The following GPALPP1 variants were observed in gnomAD, a reference collection of about 807,000 sequenced individuals.
GPALPP1 encodes GPALPP motifs-containing protein 1.
In GPALPP1, 30 loss-of-function variants were observed where a neutral mutation model predicts 38.9. The observed-to-expected ratio is 0.77, with a 90% CI of 0.58 to 1.05. The LOEUF (loss-of-function observed/expected upper bound fraction) is 1.05, where lower values mean the gene tolerates loss of function less well. GPALPP1 is among the 50% of genes least tolerant of loss of function. The pLI, the probability that GPALPP1 is intolerant of heterozygous loss-of-function variation, is 0.00. For missense variants in GPALPP1, 384 were observed against 408.8 expected (o/e 0.94, Z 0.52); for synonymous variants, 120 against 139.2 (o/e 0.86, Z 0.97).
At chr13:45,019,797 A>G (rs911567097) in intron 6 of GPALPP1, among the ~76,000 whole-genome samples, 1 of 148,320 alleles carries the variant, frequency 6.7e-6, no homozygotes, top group Non-Finnish European at 1.5e-5. Context: ...GATTGAGTGG[A>G]GTGGGTTTTT....
At position 44,996,871 on chromosome 13, in the gene GPALPP1, T is replaced by C. The variant is rs116723742; in HGVS notation, c.88+7129T>C. On this transcript the variant is annotated intron_variant, in intron 1 of 7. Coordinates refer to ENST00000379151, the MANE Select transcript of GPALPP1 (RefSeq NM_018559.5). Reference sequence around the variant, plus strand: ...TGAAATGTACCATCTTAACCATCTTTAAATGTACAGTTCAGTGGCATTAAA... The same window carrying C: ...TGAAATGTACCATCTTAACCATCTTCAAATGTACAGTTCAGTGGCATTAAA... 4.7e-3 allele frequency among the ~76,000 whole-genome samples: 714 copies of C among 150,672 alleles called. 9 individuals carry two copies. Among genetic ancestry groups the C allele is most frequent in the African/African-American group, 0.017 (695 of 40,910 alleles).
intron 6 of GPALPP1, among the ~76,000 whole-genome samples, chr13:45,016,092 AG>A (rs1405009990): frequency 6.6e-6 from 1 of 152,164 alleles, no homozygotes; most frequent in Non-Finnish European, 1.5e-5. Context: ...ACCATATCTC[AG>A]GTGCACTAAG....
chr13:45,004,555 C>T, intron 2 of GPALPP1, 118 bp downstream of exon 2: 1 of 628,812 alleles, frequency 1.6e-6, no homozygotes, highest in South Asian at 2.1e-5. Flanking sequence ...AGGGAGAAAT[C>T]ATTTTGTGTG....
At chr13:45,021,315 C>T (rs929180856) in intron 7 of GPALPP1, among the ~76,000 whole-genome samples, 24 of 152,210 alleles carry the variant, frequency 1.6e-4, no homozygotes, top group Non-Finnish European at 2.8e-4. Flanking sequence ...TGACCAGTAC[C>T]ACAGTGAAGC....
At chr13:45,020,654 A>AT (rs1273915813) in intron 7 of GPALPP1, among the ~76,000 whole-genome samples, 1 of 151,648 alleles carries the variant, frequency 6.6e-6, no homozygotes, top group Admixed American at 6.6e-5. Context: ...AAAAAAAAAA[A>AT]AGGAAGCCAG....
At chr13:45,006,380 G>A in intron 3 of GPALPP1, 77 bp downstream of exon 3, 1 of 702,374 alleles carries the variant, frequency 1.4e-6, no homozygotes, top group Non-Finnish European at 2.4e-6. Flanking sequence ...TTAAAGAATT[G>A]TCTGAAATTA....
intron 7 of GPALPP1, among the ~76,000 whole-genome samples, chr13:45,025,991 A>C (rs1273053252): frequency 1.3e-5 from 2 of 151,108 alleles, no homozygotes; most frequent in Non-Finnish European, 1.5e-5. Flanking sequence ...GCTGGTCTCG[A>C]ACTCCCGACC....
Position 45,015,081 on chromosome 13 carries a change from G to C in GPALPP1, c.538G>C (p.Asp180His). Residue 180 changes from aspartate (D) to histidine (H), a missense_variant and splice_region_variant, in exon 5 of 8, where the codon GAT becomes CAT. Coordinates refer to ENST00000379151, the MANE Select transcript of GPALPP1 (RefSeq NM_018559.5). ...RMKEKLTKGD[D>H]DSSKPIVRES... ...GAAAGAAAAACTGACCAAAGGAGATGATGTAAGTTTTAAAAACACTTTAAG... is the reference window on the plus strand; with the variant it reads ...GAAAGAAAAACTGACCAAAGGAGATCATGTAAGTTTTAAAAACACTTTAAG... 1 of 1,588,742 alleles carries C rather than the reference G, an allele frequency of 6.3e-7. No individual in the cohort carries two copies. Among genetic ancestry groups the C allele is most frequent in the Non-Finnish European group, 8.6e-7 (1 of 1,165,456 alleles).
At chr13:45,002,408 C>T (rs1389339249) in intron 1 of GPALPP1, 1 of 152,292 alleles carries the variant, frequency 6.6e-6, no homozygotes, top group East Asian at 1.9e-4. Flanking sequence ...TGAAAAGCCA[C>T]TGCACTTCAA....
chr13:45,025,146 C>CA (rs914653812), intron 7 of GPALPP1, among the ~76,000 whole-genome samples: 5 of 151,560 alleles, frequency 3.3e-5, no homozygotes, highest in Admixed American at 2.6e-4. Context: ...AAAATAGAAA[C>CA]AAAAAAAATT....
At position 45,002,903 on chromosome 13, in the gene GPALPP1, C is replaced by A. The variant is rs1230285128; in HGVS notation, c.89-1402C>A. 3.3e-5 allele frequency among the ~76,000 whole-genome samples: 5 copies of A among 152,306 alleles called. No homozygotes were observed. In the East Asian group the frequency reaches 9.6e-4, roughly 29 times the overall value. On this transcript the variant is annotated intron_variant, in intron 1 of 7. Coordinates refer to ENST00000379151, the MANE Select transcript of GPALPP1 (RefSeq NM_018559.5). ...AGTCTCCATTCAAATGTCTTTTTCT[C>A]AGAGAGATTTTTGCCTTACCACTGT...
At chr13:45,002,919 T>C (rs958990787) in intron 1 of GPALPP1, among the ~76,000 whole-genome samples, 1 of 152,242 alleles carries the variant, frequency 6.6e-6, no homozygotes, top group African/African-American at 2.4e-5. Context: ...GATTTTTGCC[T>C]TACCACTGTC....
At chr13:45,011,540 C>T (rs1025335071) in intron 4 of GPALPP1, among the ~76,000 whole-genome samples, 10 of 152,046 alleles carry the variant, frequency 6.6e-5, no homozygotes, top group African/African-American at 1.5e-4. Flanking sequence ...GAGTGCCCAG[C>T]GAAGGGGGAA....
chr13:45,008,935 G>C, intron 4 of GPALPP1, 56 bp downstream of exon 4: 2 of 1,027,602 alleles, frequency 1.9e-6, no homozygotes, highest in Non-Finnish European at 3.1e-6. Context: ...GAAAGAATAA[G>C]ATGTATTGTA....
intron 4 of GPALPP1, among the ~76,000 whole-genome samples, chr13:45,013,289 T>A (rs1349115368): frequency 2.0e-5 from 3 of 152,174 alleles, no homozygotes; most frequent in African/African-American, 7.2e-5. Flanking sequence ...TGAGGCTGAC[T>A]GCCTTCATCA....
chr13:45,015,249 T>C (rs938227704), intron 5 of GPALPP1, among the ~76,000 whole-genome samples, 166 bp downstream of exon 5: 1 of 152,210 alleles, frequency 6.6e-6, no homozygotes, highest in Non-Finnish European at 1.5e-5. Flanking sequence ...AATAACAAAT[T>C]GGATGAACGT....
rs1873932366 is a variant in GPALPP1 at position 45,004,440 on chromosome 13, CA to C, written c.221+4del. 6.2e-7 allele frequency: 1 copy of C among 1,605,718 alleles called. No individual in the cohort carries two copies. On this transcript the variant is annotated splice_donor_region_variant and intron_variant, in intron 2 of 7. Transcript: ENST00000379151. ...GATGACAGTGGTCCAACTGCAAGGT[CA>C]GTCATTTAATTAAATTAAATGATAG...
At chr13:44,992,838 G>T (rs117123967) in intron 1 of GPALPP1, among the ~76,000 whole-genome samples, 1 of 152,078 alleles carries the variant, frequency 6.6e-6, no homozygotes, top group Non-Finnish European at 1.5e-5. Flanking sequence ...ATATAGGTCA[G>T]TGGCACTTAG....
chr13:44,998,616 G>T (rs369005302), intron 1 of GPALPP1, among the ~76,000 whole-genome samples: 2 of 151,992 alleles, frequency 1.3e-5, no homozygotes, highest in Admixed American at 6.6e-5. Flanking sequence ...ACTACTCTTC[G>T]TCCAGTCCCC....
Sources: gnomAD v4.1 joint callset for allele counts (sites outside exome capture counted in the v4.1 genomes callset) on GRCh38, gnomAD v4.1.1 for gene constraint, MANE v1.5 for transcripts, NCBI Gene and HGNC (gene_info 2026-07-23, HGNC 2026-07-21) for gene names.